The following TNRC6B variants were observed in gnomAD, a reference collection of about 807,000 sequenced individuals.
The protein encoded by TNRC6B is trinucleotide repeat-containing gene 6B protein.
TNRC6B carries 52 observed loss-of-function variants against 203.6 expected under a neutral mutation model. The ratio of observed to expected loss-of-function variants is 0.26; its 90% CI spans 0.20 to 0.32. The LOEUF is 0.32. Ranked by LOEUF, TNRC6B falls within the 10% of genes least tolerant of loss-of-function variation. TNRC6B has a pLI of 1.00. For synonymous variants in TNRC6B, 838 were observed against 845.7 expected (o/e 0.99, Z 0.16); for missense variants, 1,923 against 2,286.2 (o/e 0.84, Z 3.24).
intron 10 of TNRC6B, 115 bp downstream of exon 10, chr22:40,280,258 A>T (rs2070706321): frequency 5.0e-6 from 5 of 1,007,808 alleles, no homozygotes; most frequent in Non-Finnish European, 7.2e-6. Flanking sequence ...GATGAGCAAA[A>T]CACAAACATC....
In TNRC6B at chr22:40,328,872, A is replaced by G. The variant is rs1277570978; in HGVS notation, c.*5631A>G. On this transcript the variant is annotated 3_prime_UTR_variant, in exon 23 of 23. Transcript: ENST00000454349. ...TATCGGTTATTGTTTTAGATTTGAG[A>G]TTTTTGTTTTTAAGTATCTATAAGA... The G allele has an allele frequency of 6.6e-6, 1 of 152,476 alleles. No individual in the cohort carries two copies. The highest frequency in any genetic ancestry group is 6.5e-5 in the Admixed American group (1 of 15,274). 9.4% of individuals were successfully genotyped at this position (152,476 alleles called of 1,614,324 possible).
intron 1 of TNRC6B, among the ~76,000 whole-genome samples, chr22:40,210,777 A>G (rs766452770): frequency 2.6e-5 from 4 of 152,182 alleles, no homozygotes; most frequent in Non-Finnish European, 5.9e-5. Flanking sequence ...CTGTCACCTT[A>G]GTCCAGGAAC....
At chr22:40,200,665 C>T (rs2069400896) in intron 1 of TNRC6B, among the ~76,000 whole-genome samples, 1 of 151,888 alleles carries the variant, frequency 6.6e-6, no homozygotes, top group South Asian at 2.1e-4. Context: ...TTATTTTAGC[C>T]TCCCCTTTTA....
intron 1 of TNRC6B, among the ~76,000 whole-genome samples, chr22:40,221,699 A>T (rs2069710217): frequency 6.6e-6 from 1 of 151,038 alleles, no homozygotes. Context: ...TTGGCCTCTC[A>T]AAGTGCGGGG....
rs540748683 is a variant in TNRC6B at position 40,049,325 on chromosome 22, G to A, written c.-121+4327G>A. Among the ~76,000 whole-genome samples, 6 of 151,984 alleles carry A rather than the reference G, an allele frequency of 3.9e-5. No individual in the cohort carries two copies. The East Asian group carries it at 9.9e-4, about 25-fold the overall frequency. ...ACGGATGAGCCACCGTGCCCAGTCAGCTTTCTTAACTCTCTGCCTTTTCTT... is the reference window on the plus strand; with the variant it reads ...ACGGATGAGCCACCGTGCCCAGTCAACTTTCTTAACTCTCTGCCTTTTCTT... On this transcript the variant is annotated intron_variant, in intron 1 of 23. Transcript: ENST00000301923.
intron 3 of TNRC6B, among the ~76,000 whole-genome samples, chr22:40,254,682 T>A (rs1186544029): frequency 6.6e-6 from 1 of 152,082 alleles, no homozygotes; most frequent in Non-Finnish European, 1.5e-5. Flanking sequence ...GGTCAGGAGA[T>A]CGAGACCTTC....
In TNRC6B at chr22:40,264,750, T is replaced by G. The variant is rs914064821; in HGVS notation, c.520T>G (p.Ser174Ala). 6.2e-6 allele frequency: 10 copies of G among 1,611,012 alleles called. No individual in the cohort carries two copies. Among genetic ancestry groups the G allele is most frequent in the Admixed American group, 1.7e-5 (1 of 59,670 alleles). ...AAATTCCACTTGGGGCTCGGGAGCC[T>G]CCTCCAACAACGGCACCTCCCCCAA... ...YANSTWGSGA[S>A]SNNGTSPNPI... The change falls in exon 5 of 23, where the codon TCC (serine) becomes GCC (alanine). Residue 174 changes from serine (S) to alanine (A), a missense_variant. Coordinates refer to ENST00000454349, the MANE Select transcript of TNRC6B (RefSeq NM_001162501.2).
At chr22:40,293,303 C>T (rs905302644) in intron 12 of TNRC6B, among the ~76,000 whole-genome samples, 9 of 146,152 alleles carry the variant, frequency 6.2e-5, no homozygotes, top group African/African-American at 7.5e-5. Flanking sequence ...AAGCAATTCT[C>T]CTGCCTCAGC....
At chr22:40,288,213 C>G (rs938796013) in intron 12 of TNRC6B, among the ~76,000 whole-genome samples, 1 of 152,244 alleles carries the variant, frequency 6.6e-6, no homozygotes, top group Non-Finnish European at 1.5e-5. Context: ...ATGGGCCAAT[C>G]CTTTTCAACG....
At position 40,180,016 on chromosome 22, in the gene TNRC6B, A is replaced by T. The variant is rs548089867; in HGVS notation, c.5+1876A>T. 7.2e-5 allele frequency among the ~76,000 whole-genome samples: 11 copies of T among 152,338 alleles called. No individual in the cohort carries two copies. In the South Asian group the frequency reaches 2.3e-3, roughly 32 times the overall value. On this transcript the variant is annotated intron_variant, in intron 1 of 22. Coordinates refer to ENST00000454349, the MANE Select transcript of TNRC6B (RefSeq NM_001162501.2). ...TAGATTCACTGTAAATTTTTTGATG[A>T]TATAAATTCAGCTTTTGTGTAAGAA...
intron 1 of TNRC6B, among the ~76,000 whole-genome samples, chr22:40,113,431 C>G (rs73428255): frequency 2.0e-5 from 3 of 152,058 alleles, no homozygotes; most frequent in Admixed American, 6.6e-5. Context: ...CTAGGCTCAC[C>G]GCATCCCCTG....
rs116380347 is a variant in TNRC6B, at chr22:40,127,480, G to C, written c.45+1618G>C. On this transcript the variant is annotated intron_variant, in intron 3 of 23. Coordinates refer to the TNRC6B transcript ENST00000301923. ...AATCTCCCTCACACACACACACACA[G>C]AGGCACACATACCCAGGACACCCAA... 7.4e-3 allele frequency among the ~76,000 whole-genome samples: 1,131 copies of C among 152,102 alleles called. 10 individuals carry two copies. The highest frequency in any genetic ancestry group is 0.025 in the African/African-American group (1,031 of 41,506).
intron 1 of TNRC6B, among the ~76,000 whole-genome samples, chr22:40,233,791 TC>T (rs2069911638): frequency 6.6e-6 from 1 of 152,168 alleles, no homozygotes; most frequent in Admixed American, 6.5e-5. Context: ...AGCCTCACGT[TC>T]TTTTACTCAC....
At chr22:40,294,651 G>A (rs1193729957) in intron 12 of TNRC6B, among the ~76,000 whole-genome samples, 1 of 152,194 alleles carries the variant, frequency 6.6e-6, no homozygotes, top group Non-Finnish European at 1.5e-5. Flanking sequence ...GGATCCTTGA[G>A]GTATGGTGGG....
chr22:40,180,851 T>G (rs1046928254), intron 1 of TNRC6B, among the ~76,000 whole-genome samples: 7 of 152,148 alleles, frequency 4.6e-5, no homozygotes, highest in Admixed American at 1.3e-4. Context: ...CAGAGGAAGT[T>G]TCTTATTGGA....
intron 3 of TNRC6B, among the ~76,000 whole-genome samples, chr22:40,145,272 T>G (rs1431288431): frequency 1.3e-5 from 2 of 151,646 alleles, no homozygotes; most frequent in Non-Finnish European, 2.9e-5. Context: ...GAGATAAAAA[T>G]AAAATTCATT....
intron 1 of TNRC6B, among the ~76,000 whole-genome samples, chr22:40,212,233 A>G (rs2069574330): frequency 6.6e-6 from 1 of 152,172 alleles, no homozygotes; most frequent in South Asian, 2.1e-4. Flanking sequence ...GGTCAAGATC[A>G]CAGGCCCTAG....
intron 12 of TNRC6B, 87 bp from the exon 13 acceptor site, chr22:40,300,368 C>G: frequency 7.6e-7 from 1 of 1,316,740 alleles, no homozygotes; most frequent in South Asian, 1.7e-5. Context: ...TTAGATTCAT[C>G]AAGATTCTTT....
chr22:40,137,811 G>A (rs555411461), intron 3 of TNRC6B, among the ~76,000 whole-genome samples: 2 of 151,774 alleles, frequency 1.3e-5, no homozygotes, highest in South Asian at 2.1e-4. Context: ...TGGTGAAACC[G>A]CATCTCTACT....
Sources: allele counts gnomAD v4.1 joint callset (sites outside exome capture counted in the v4.1 genomes callset), GRCh38; gene constraint gnomAD v4.1.1; transcripts MANE v1.5; gene names NCBI Gene and HGNC (gene_info 2026-07-23, HGNC 2026-07-21).